Variants in TTK observed in about 807,000 individuals in gnomAD.
TTK encodes the protein TTK protein kinase.
Under a neutral mutation model 117.3 loss-of-function variants are expected in TTK, and 59 were observed. The ratio of observed to expected loss-of-function variants is 0.50; its 90% CI spans 0.41 to 0.62. The LOEUF (loss-of-function observed/expected upper bound fraction) is 0.62. Ranked by LOEUF, TTK falls within the 20% of genes least tolerant of loss-of-function variation. TTK has a pLI of 0.00. For missense variants in TTK, 921 were observed against 989.4 expected, an observed-to-expected ratio of 0.93 and a Z score of 0.93; for synonymous variants, 302 against 325.0, an observed-to-expected ratio of 0.93 and a Z score of 0.76.
rs549186926 is a variant in TTK at position 80,038,343 on chromosome 6, G to A, written c.2130+296G>A. 2.3e-4 allele frequency among the ~76,000 whole-genome samples: 35 copies of A among 152,250 alleles called. No individual in the cohort carries two copies. The Middle Eastern group carries it at 0.01, about 44-fold the overall frequency. On this transcript the variant is annotated intron_variant, in intron 18 of 21. Transcript: ENST00000369798. ...ATGAGTTTGCGTTAGCCTCATGGGT[G>A]CCCTTTGTCCGGGGCTCCTTTTGCC...
At position 80,007,991 on chromosome 6, in the gene TTK, A is replaced by ACGC; in HGVS notation, c.322_323insCGC (p.Ser108delinsThrArg). 28 of 1,591,494 alleles carry ACGC rather than the reference A, an allele frequency of 1.8e-5. No individual in the cohort carries two copies. The highest frequency in any genetic ancestry group is 2.2e-5 in the Non-Finnish European group (26 of 1,159,912). ...CCCAGATAAATATGGCCAAAATGAGAGTTTTGCTAGAATTCAAGTGAGATT... is the reference window on the plus strand; with the variant it reads ...CCCAGATAAATATGGCCAAAATGAGACGCGTTTTGCTAGAATTCAAGTGAGATT... On this transcript the variant is annotated protein_altering_variant, in exon 3 of 22. Transcript: ENST00000369798.
intron 9 of TTK, among the ~76,000 whole-genome samples, chr6:80,013,959 C>G (rs756108823): frequency 1.7e-4 from 26 of 152,090 alleles, no homozygotes; most frequent in Non-Finnish European, 3.1e-4. Context: ...CTCCCTCTTT[C>G]ATGACCTATG....
rs111291590 is a variant in TTK at position 80,028,715 on chromosome 6, T to C, written c.1521+704T>C. On this transcript the variant is annotated intron_variant, in intron 13 of 21. Transcript: ENST00000369798. ...TTGGAAATGTAAATTTTCAAAAATATCAGAATAGCAATATGAGGTACTGCT... is the reference window on the plus strand; with the variant it reads ...TTGGAAATGTAAATTTTCAAAAATACCAGAATAGCAATATGAGGTACTGCT... Among the ~76,000 whole-genome samples the C allele has an allele frequency of 2.5e-3, 381 of 152,274 alleles. 3 individuals are homozygous for C. Among genetic ancestry groups the C allele is most frequent in the African/African-American group, 8.1e-3 (335 of 41,540 alleles).
At chr6:80,011,342 A>G in intron 5 of TTK, 92 bp from the exon 6 acceptor site, 2 of 863,692 alleles carry the variant, frequency 2.3e-6, no homozygotes, top group Non-Finnish European at 3.4e-6. Context: ...TTTCCTATGA[A>G]TTGACTTTTA....
intron 14 of TTK, among the ~76,000 whole-genome samples, 161 bp from the exon 15 acceptor site, chr6:80,034,819 AATTAT>A (rs1477477762): frequency 6.6e-6 from 1 of 152,062 alleles, no homozygotes; most frequent in Non-Finnish European, 1.5e-5. Context: ...CTGCTATCAG[AATTAT>A]TTTTCTTCCT....
At position 80,040,690 on chromosome 6, in the gene TTK, T is replaced by C. The variant is rs1375011323; in HGVS notation, c.2477T>C (p.Leu826Ser). 1 of 1,611,514 alleles carries C rather than the reference T, an allele frequency of 6.2e-7. No individual in the cohort carries two copies. The highest frequency in any genetic ancestry group is 1.7e-5 in the Admixed American group (1 of 59,800). Residue 826 changes from leucine (L) to serine (S), a missense_variant, in exon 21 of 22, where the codon TTG (leucine) becomes TCG (serine). Leu to Ser is a moderately radical substitution (Grantham distance 145). Coordinates refer to ENST00000369798, the MANE Select transcript of TTK (RefSeq NM_003318.5). ...LVGLNSPNSI[L>S]KAAKTLYEHY... ...GGTCTGAATTCTCCTAACTCCATTT[T>C]GAAAGCTGCTAAAGTAAGTATGTCT...
rs536793848 is a variant in TTK at position 80,026,607 on chromosome 6, TCTTTTA to T, written c.1394+98_1394+103del. ...AAATAAATCTGGGATTAAATCCTGC[TCTTTTA>T]CTTTAAAGACTTTCCATCTTCATAT... On this transcript the variant is annotated intron_variant, in intron 12 of 21. Coordinates refer to ENST00000369798, the MANE Select transcript of TTK (RefSeq NM_003318.5). 756 of 1,527,922 alleles carry T rather than the reference TCTTTTA, an allele frequency of 4.9e-4. 8 individuals carry two copies. In the South Asian group the frequency reaches 7.0e-3, roughly 14 times the overall value. The allele number at this position is 1,527,922 out of a possible 1,614,324, so 94.6% of individuals were successfully genotyped here.
rs1049369074 is a variant in TTK at position 80,039,816 on chromosome 6, A to C, written c.2251A>C (p.Asn751His). ...ISKLHAIIDP[N>H]HEIEFPDIPE... ...TAAATTACATGCCATAATTGATCCT[A>C]ATCATGAAATTGAATTTCCCGATAT... is the stretch of plus-strand genomic sequence containing the variant. The change falls in exon 19 of 22, where the codon AAT becomes CAT. Residue 751 changes from asparagine to histidine, a missense_variant. Asn to His is a moderately conservative substitution (Grantham distance 68, BLOSUM62 1). Transcript: ENST00000369798. 1.3e-6 allele frequency: 2 copies of C among 1,588,584 alleles called. No individual in the cohort carries two copies. Among genetic ancestry groups the C allele is most frequent in the Non-Finnish European group, 8.6e-7 (1 of 1,169,194 alleles).
intron 11 of TTK, among the ~76,000 whole-genome samples, chr6:80,025,458 A>G (rs1400834987): frequency 1.3e-5 from 2 of 152,322 alleles, no homozygotes; most frequent in East Asian, 3.9e-4. Flanking sequence ...ATCTGCAAAT[A>G]TTTTCTAATA....
rs1767956811 is a variant in TTK at position 80,038,164 on chromosome 6, C to T, written c.2130+117C>T. 3 of 547,610 alleles carry T rather than the reference C, an allele frequency of 5.5e-6. No homozygotes were observed. In the Middle Eastern group the frequency reaches 1.1e-3, roughly 209 times the overall value. The allele number at this position is 547,610 out of a possible 1,614,324, so 33.9% of individuals were successfully genotyped here. A position where few individuals can be genotyped will look rare whatever the true frequency, so the allele number is the denominator to read the frequency against. ...AGTTCTAAAACTTTTTAGGCCATTACAGAGACATTGCTGGTTTTTTTCGTT... is the reference window on the plus strand; with the variant it reads ...AGTTCTAAAACTTTTTAGGCCATTATAGAGACATTGCTGGTTTTTTTCGTT... On this transcript the variant is annotated intron_variant, in intron 18 of 21. Coordinates refer to ENST00000369798, the MANE Select transcript of TTK (RefSeq NM_003318.5).
At chr6:80,005,759 C>A in intron 1 of TTK, 83 bp from the exon 2 acceptor site, 2 of 1,491,046 alleles carry the variant, frequency 1.3e-6, no homozygotes, top group Non-Finnish European at 1.8e-6. Context: ...ATGCTTTAGT[C>A]GTCTGGGTTC....
intron 13 of TTK, among the ~76,000 whole-genome samples, chr6:80,028,937 C>T (rs748423368): frequency 6.6e-6 from 1 of 152,034 alleles, no homozygotes; most frequent in African/African-American, 2.4e-5. Flanking sequence ...TTTCGGTGCC[C>T]ATTTCATTAT....
Position 80,030,742 on chromosome 6 carries a change from T to C in TTK, c.1522-725T>C, listed in dbSNP as rs111576261. Among the ~76,000 whole-genome samples the C allele has an allele frequency of 2.5e-3, 380 of 152,222 alleles. 3 individuals carry two copies. The highest frequency in any genetic ancestry group is 8.0e-3 in the African/African-American group (334 of 41,560). On this transcript the variant is annotated intron_variant, in intron 13 of 21. Coordinates refer to ENST00000369798, the MANE Select transcript of TTK (RefSeq NM_003318.5). ...CTCTCACCAGGCCCCGCCTCCAACA[T>C]TGGGAATTACAATTTGACATGAAAT...
Position 80,040,245 on chromosome 6 carries a change from T to G in TTK, c.2357T>G (p.Leu786Arg). ...CAGAGGATATCCATTCCTGAGCTCC[T>G]GGCTCATCCATATGTTCAAATTCAA... ...PKQRISIPEL[L>R]AHPYVQIQTH... The change falls in exon 20 of 22, where the codon CTG becomes CGG. Residue 786 changes from leucine (L) to arginine (R), a missense_variant. Transcript: ENST00000369798. 1 of 1,593,518 alleles carries G rather than the reference T, an allele frequency of 6.3e-7. No individual in the cohort carries two copies.
chr6:80,011,736 A>G lies in TTK; in HGVS notation c.736A>G (p.Met246Val), dbSNP rs150274294. ...TKARFLYGEN[M>V]PPQDAEIGYR... ...TATTTTCTTTCTGTTTAGAGAGAAC[A>G]TGCCACCACAAGATGCAGAAATAGG... Residue 246 changes from methionine to valine, a missense_variant, in exon 7 of 22, where the codon ATG becomes GTG. By Grantham distance (21) the Met-to-Val change is conservative. Transcript: ENST00000369798. The G allele has an allele frequency of 9.7e-5, 156 of 1,612,694 alleles. No individual in the cohort carries two copies. In the East Asian group the frequency reaches 3.1e-3, roughly 32 times the overall value.
intron 10 of TTK, among the ~76,000 whole-genome samples, chr6:80,017,875 C>G (rs1413870500): frequency 1.3e-5 from 2 of 152,006 alleles, no homozygotes; most frequent in Non-Finnish European, 2.9e-5. Flanking sequence ...GTGTAGAGAC[C>G]TAGTGTATCT....
Position 80,007,889 on chromosome 6 carries a change from A to G in TTK, c.220A>G (p.Lys74Glu), listed in dbSNP as rs1420295336. ...DWLSLLLKLE[K>E]NSVPLSDALL... ...GTTGAGTTTGTTGCTCAAACTAGAG[A>G]AAAACAGTGTTCCGCTAAGTGATGC... Residue 74 changes from lysine (K) to glutamate (E), a missense_variant, in exon 3 of 22, where the codon AAA (lysine) becomes GAA (glutamate). Coordinates refer to ENST00000369798, the MANE Select transcript of TTK (RefSeq NM_003318.5). The G allele has an allele frequency of 6.2e-7, 1 of 1,613,530 alleles. No homozygotes were observed. Among genetic ancestry groups the G allele is most frequent in the Non-Finnish European group, 8.5e-7 (1 of 1,179,610 alleles).
At chr6:80,006,232 G>A (rs1766991723) in intron 2 of TTK, 1 of 467,348 alleles carries the variant, frequency 2.1e-6, no homozygotes, top group Non-Finnish European at 4.0e-6. Flanking sequence ...AATGCCCAGA[G>A]TTTAATACTC....
At chr6:80,014,663 A>G (rs1767257715) in intron 10 of TTK, 77 bp downstream of exon 10, 1 of 1,387,102 alleles carries the variant, frequency 7.2e-7, no homozygotes, top group South Asian at 1.6e-5. Context: ...CAGACTAGCC[A>G]CCTAAGAATT....
Sources: allele counts gnomAD v4.1 joint callset (sites outside exome capture counted in the v4.1 genomes callset), GRCh38; gene constraint gnomAD v4.1.1; transcripts MANE v1.5; gene names NCBI Gene and HGNC (gene_info 2026-07-23, HGNC 2026-07-21).